The following ZNG1F variants were observed in gnomAD, a reference collection of about 807,000 sequenced individuals.
ZNG1F encodes zinc-regulated GTPase metalloprotein activator 1F.
chr9:41,156,146 G>T, the ZNG1F span, among the ~76,000 whole-genome samples: 1 of 132,548 alleles, frequency 7.5e-6, no homozygotes, highest in South Asian at 2.7e-4. Context: ...AAGTGTTAAC[G>T]ATTAGCCTCT....
chr9:41,158,618 T>C, the ZNG1F span: 12 of 60,032 alleles, frequency 2.0e-4, no homozygotes, highest in South Asian at 2.2e-3. Flanking sequence ...TAGACCTGTA[T>C]AACAAATTAC....
At chr9:41,171,953 T>A in the ZNG1F span, 251 of 171,744 alleles carry the variant, frequency 1.5e-3, 4 homozygotes, top group African/African-American at 0.038. Flanking sequence ...TTGAGAAACA[T>A]CATTTTACTG....
chr9:41,138,002 C>A, the ZNG1F span, among the ~76,000 whole-genome samples: 1 of 127,240 alleles, frequency 7.9e-6, no homozygotes, highest in Admixed American at 8.1e-5. Flanking sequence ...AGGTACCACT[C>A]TATTCATCAT....
chr9:41,195,648 G>T, the ZNG1F span, among the ~76,000 whole-genome samples: 2 of 123,560 alleles, frequency 1.6e-5, no homozygotes, highest in African/African-American at 5.6e-5. Context: ...CTGACAAGTT[G>T]AGTGGTGCAC....
chr9:41,165,066 G>A, the ZNG1F span: 3 of 1,579,406 alleles, frequency 1.9e-6, 1 homozygote, highest in Non-Finnish European at 2.6e-6. Context: ...TAATGAGAAT[G>A]ATATCTGCCA....
the ZNG1F span, chr9:41,164,997 G>A: frequency 6.3e-7 from 1 of 1,586,556 alleles, no homozygotes. Flanking sequence ...ACATCATTTT[G>A]TACCTAAGTG....
the ZNG1F span, among the ~76,000 whole-genome samples, chr9:41,175,156 T>C: frequency 1.3e-5 from 2 of 148,804 alleles, no homozygotes; most frequent in Non-Finnish European, 3.0e-5. Context: ...AGTCTAAAGC[T>C]GTCCACCTGC....
At chr9:41,150,253 C>A in the ZNG1F span, among the ~76,000 whole-genome samples, 2 of 149,088 alleles carry the variant, frequency 1.3e-5, no homozygotes, top group African/African-American at 2.5e-5. Context: ...CCGAATACTG[C>A]GCTTTTCTGA....
At chr9:41,200,699 G>T in the ZNG1F span, among the ~76,000 whole-genome samples, 1 of 152,192 alleles carries the variant, frequency 6.6e-6, no homozygotes, top group Non-Finnish European at 1.5e-5. Context: ...AAAAGAAAGA[G>T]GTTTATTGGA....
At chr9:41,156,003 AAT>A in the ZNG1F span, among the ~76,000 whole-genome samples, 2 of 114,536 alleles carry the variant, frequency 1.7e-5, no homozygotes, top group African/African-American at 3.3e-5. Context: ...AATTTAAAAA[AAT>A]CTCAAGAAAA....
the ZNG1F span, chr9:41,131,743 A>G: frequency 2.9e-6 from 1 of 342,314 alleles, no homozygotes; most frequent in Non-Finnish European, 4.9e-6. Flanking sequence ...GTTATGTACA[A>G]ACTTGATCTT....
At chr9:41,145,392 T>C in the ZNG1F span, 1 of 125,594 alleles carries the variant, frequency 8.0e-6, no homozygotes. Context: ...CTTTATACGT[T>C]ATTTAGTGAC....
the ZNG1F span, among the ~76,000 whole-genome samples, chr9:41,154,852 T>C: frequency 6.7e-6 from 1 of 149,582 alleles, no homozygotes; most frequent in African/African-American, 2.5e-5. Flanking sequence ...CAAAAATCAA[T>C]TCAAGATGGA....
At chr9:41,180,183 T>TTG in the ZNG1F span, among the ~76,000 whole-genome samples, 2 of 99,984 alleles carry the variant, frequency 2.0e-5, no homozygotes, top group African/African-American at 8.2e-5. Flanking sequence ...TTTTTTTTTT[T>TTG]TTTTTTTTAA....
At chr9:41,155,977 T>C in the ZNG1F span, among the ~76,000 whole-genome samples, 3 of 128,274 alleles carry the variant, frequency 2.3e-5, no homozygotes, top group Non-Finnish European at 3.3e-5. Flanking sequence ...AAAACTTAAA[T>C]AATAATAAAT....
chr9:41,145,363 G>C, the ZNG1F span: 1 of 190,244 alleles, frequency 5.3e-6, no homozygotes. Context: ...ATTCAGAGAT[G>C]AATACACTTC....
At chr9:41,165,268 C>T in the ZNG1F span, among the ~76,000 whole-genome samples, 9 of 57,760 alleles carry the variant, frequency 1.6e-4, no homozygotes, top group Middle Eastern at 0.017. Context: ...ACTCCTAATC[C>T]GCTAATTTTT....
At chr9:41,202,995 A>G in the ZNG1F span, among the ~76,000 whole-genome samples, 1 of 152,098 alleles carries the variant, frequency 6.6e-6, no homozygotes, top group Non-Finnish European at 1.5e-5. Flanking sequence ...ACTCTTGAGG[A>G]GTACTGGTCA....
the ZNG1F span, among the ~76,000 whole-genome samples, chr9:41,178,875 T>C: frequency 7.7e-6 from 1 of 129,684 alleles, no homozygotes; most frequent in Non-Finnish European, 1.7e-5. Flanking sequence ...CAGCAACAGA[T>C]TTTTAATGGA....
Sources: gnomAD v4.1 joint callset for allele counts (sites outside exome capture counted in the v4.1 genomes callset) on GRCh38, gnomAD v4.1.1 for gene constraint, MANE v1.5 for transcripts, NCBI Gene and HGNC (gene_info 2026-07-23, HGNC 2026-07-21) for gene names.